RLF: variants seen among roughly 807,000 people sequenced by gnomAD.
RLF encodes the protein zinc finger protein Rlf.
RLF carries 7 observed loss-of-function variants against 162.9 expected under a neutral mutation model. That is an observed-to-expected ratio of 0.04 (90% CI 0.02 to 0.08). The LOEUF is 0.08. Among genes scored for constraint, RLF ranks in the 10% least tolerant of loss-of-function variants. The probability of loss-of-function intolerance (pLI) is 1.00; values close to 1 mark genes in which losing one functional copy is unlikely to be tolerated. For synonymous variants in RLF, 782 were observed against 791.5 expected, an observed-to-expected ratio of 0.99 and a Z score of 0.20; for missense variants, 1,664 against 2,244.7, an observed-to-expected ratio of 0.74 and a Z score of 5.23.
chr1:40,201,088 C>G lies in RLF; in HGVS notation c.608-1324C>G, dbSNP rs868132384. Among the ~76,000 whole-genome samples the G allele has an allele frequency of 1.4e-3, 76 of 55,726 alleles. 2 individuals are homozygous for G. Among genetic ancestry groups the G allele is most frequent in the South Asian group, 8.1e-3 (8 of 990 alleles). 36.6% of individuals were successfully genotyped at this position (55,726 alleles called of 152,430 possible). ...ACACACACCCCCCCCCCCCCCCCCGCAACCTGGGAGCTTGTGAGAAAAGCA... is the reference window on the plus strand; with the variant it reads ...ACACACACCCCCCCCCCCCCCCCCGGAACCTGGGAGCTTGTGAGAAAAGCA... On this transcript the variant is annotated intron_variant, in intron 4 of 7. Coordinates refer to ENST00000372771, the MANE Select transcript of RLF (RefSeq NM_012421.4).
intron 1 of RLF, chr1:40,177,926 ATT>A (rs1324860913): frequency 6.6e-6 from 1 of 152,434 alleles, no homozygotes; most frequent in Non-Finnish European, 1.5e-5. Flanking sequence ...TGACCTGCAA[ATT>A]TTTGAAGTGT....
chr1:40,237,311 T>A lies in RLF; in HGVS notation c.2609T>A (p.Leu870His). 1 of 1,614,086 alleles carries A rather than the reference T, an allele frequency of 6.2e-7. No homozygotes were observed. The highest frequency in any genetic ancestry group is 8.5e-7 in the Non-Finnish European group (1 of 1,179,996). Residue 870 changes from leucine to histidine, a missense_variant, in exon 8 of 8, where the codon CTT becomes CAT. Physicochemically the swap from Leu to His is moderately conservative, Grantham distance 99. Coordinates refer to ENST00000372771, the MANE Select transcript of RLF (RefSeq NM_012421.4). This position sits in a 1 kb window ranked among gnomAD's most constrained non-coding sequence, Gnocchi z 4.4. Reference protein sequence around the residue: ...QTDKSHLPEDLFCAESANSQI... With the variant: ...QTDKSHLPEDHFCAESANSQI... ...GATAAATCACATTTACCTGAAGATC[T>A]TTTCTGTGCAGAATCAGCTAATTCT...
intron 7 of RLF, 144 bp from the exon 8 acceptor site, chr1:40,235,648 C>G: frequency 1.6e-6 from 1 of 606,108 alleles, no homozygotes; most frequent in East Asian, 3.0e-5. Context: ...CAAGAAATAT[C>G]TAAATGTAAC....
intron 1 of RLF, among the ~76,000 whole-genome samples, chr1:40,187,374 C>A (rs934494370): frequency 2.6e-5 from 4 of 152,166 alleles, no homozygotes; most frequent in African/African-American, 9.7e-5. Flanking sequence ...AACAGACACC[C>A]ATTCTGCATT....
chr1:40,196,145 G>A (rs1156984193), intron 4 of RLF, among the ~76,000 whole-genome samples: 4 of 150,272 alleles, frequency 2.7e-5, no homozygotes, highest in East Asian at 2.0e-4. Flanking sequence ...GCAGGATCTC[G>A]GCTCACTGCA....
At chr1:40,212,427 C>A (rs1191490703) in intron 5 of RLF, among the ~76,000 whole-genome samples, 1 of 152,172 alleles carries the variant, frequency 6.6e-6, no homozygotes, top group Non-Finnish European at 1.5e-5. Context: ...ATTAACTTTA[C>A]ATATTAAAGG....
chr1:40,218,092 G>A (rs1270601077), intron 5 of RLF, among the ~76,000 whole-genome samples: 5 of 152,168 alleles, frequency 3.3e-5, no homozygotes, highest in Non-Finnish European at 7.4e-5. Flanking sequence ...CAGGTTTCAA[G>A]TGATTTCTTT....
At chr1:40,211,714 CG>C (rs900596909) in intron 5 of RLF, among the ~76,000 whole-genome samples, 6 of 151,968 alleles carry the variant, frequency 3.9e-5, no homozygotes, top group African/African-American at 1.5e-4. Flanking sequence ...CTCTGCCTCT[CG>C]GGTTCAAGTG....
intron 1 of RLF, among the ~76,000 whole-genome samples, chr1:40,184,002 T>G (rs1642439822): frequency 6.6e-6 from 1 of 152,222 alleles, no homozygotes; most frequent in Non-Finnish European, 1.5e-5. Context: ...GAAATTCTCC[T>G]TTCTTGATAG....
chr1:40,170,558 C>A (rs1642230517), intron 1 of RLF, among the ~76,000 whole-genome samples: 1 of 152,172 alleles, frequency 6.6e-6, no homozygotes, highest in Non-Finnish European at 1.5e-5. Context: ...TCCTTTCATT[C>A]TTTAGGCATG....
Position 40,195,619 on chromosome 1 carries a change from G to A in RLF, c.475-13G>A, listed in dbSNP as rs201022214. 1 of 1,603,786 alleles carries A rather than the reference G, an allele frequency of 6.2e-7. No homozygotes were observed. The highest frequency in any genetic ancestry group is 1.7e-5 in the Admixed American group (1 of 58,528). On this transcript the variant is annotated splice_polypyrimidine_tract_variant and intron_variant, in intron 3 of 7. Transcript: ENST00000372771. ...TGTTAACTTATTTTCTGGGTGTGCT[G>A]TTCTTGTTCTAGGAGTCACATGATG...
chr1:40,164,186 G>T (rs943830272), intron 1 of RLF, among the ~76,000 whole-genome samples: 5 of 152,132 alleles, frequency 3.3e-5, no homozygotes, highest in Admixed American at 6.5e-5. Context: ...CTGCTTATGG[G>T]ATGCTTAATA....
intron 5 of RLF, among the ~76,000 whole-genome samples, chr1:40,210,409 G>T (rs993268949): frequency 3.9e-5 from 6 of 152,190 alleles, no homozygotes; most frequent in Non-Finnish European, 8.8e-5. Flanking sequence ...TGACTGAATG[G>T]TAGTAAAGCA....
At chr1:40,230,507 C>T (rs1425932801) in intron 6 of RLF, among the ~76,000 whole-genome samples, 2 of 152,136 alleles carry the variant, frequency 1.3e-5, no homozygotes, top group African/African-American at 4.8e-5. Context: ...TCTCAGCTCA[C>T]TGCAACCTCC....
At chr1:40,235,755 G>C (rs759777213) in intron 7 of RLF, 37 bp from the exon 8 acceptor site, 18 of 1,421,864 alleles carry the variant, frequency 1.3e-5, no homozygotes, top group Non-Finnish European at 1.7e-5. Context: ...CTTTCTGTAT[G>C]CAAAAAAATA....
chr1:40,171,926 A>G (rs1233612351), intron 1 of RLF, among the ~76,000 whole-genome samples: 1 of 152,154 alleles, frequency 6.6e-6, no homozygotes, highest in Non-Finnish European at 1.5e-5. Context: ...TTAGGAATGC[A>G]TATCTATAGA....
chr1:40,169,373 T>C (rs1453661302), intron 1 of RLF, among the ~76,000 whole-genome samples: 3 of 152,026 alleles, frequency 2.0e-5, no homozygotes, highest in African/African-American at 4.8e-5. Flanking sequence ...TCCCAGCACT[T>C]TGGGAGGCCG....
At chr1:40,229,997 C>T (rs1169304233) in intron 6 of RLF, among the ~76,000 whole-genome samples, 1 of 151,648 alleles carries the variant, frequency 6.6e-6, no homozygotes, top group Non-Finnish European at 1.5e-5. Flanking sequence ...GCCTGTAATC[C>T]CAGCTACTTG....
intron 7 of RLF, 96 bp from the exon 8 acceptor site, chr1:40,235,696 C>CTAA (rs901021711): frequency 5.5e-5 from 48 of 877,714 alleles, no homozygotes; most frequent in Non-Finnish European, 7.9e-5. Flanking sequence ...TTTAGGAACT[C>CTAA]TAAAAGTTTT....
Sources: gnomAD v4.1 joint callset for allele counts (sites outside exome capture counted in the v4.1 genomes callset) on GRCh38, gnomAD v4.1.1 for gene constraint, Gnocchi (gnomAD v3.1) non-coding constraint, MANE v1.5 for transcripts, NCBI Gene and HGNC (gene_info 2026-07-23, HGNC 2026-07-21) for gene names.